Variants in VASN observed in about 807,000 individuals in gnomAD.
The protein encoded by VASN is protein slit-like 2.
Under a neutral mutation model 4.8 loss-of-function variants are expected in VASN, and 5 were observed. The ratio of observed to expected loss-of-function variants is 1.03; its 90% CI spans 0.54 to 2.17. VASN has a LOEUF of 2.17. Among genes scored for constraint, VASN ranks in the 30% most tolerant of loss-of-function variants. VASN has a pLI of 0.01. For synonymous variants in VASN, 499 were observed against 460.8 expected, an observed-to-expected ratio of 1.08 and a Z score of -1.06; for missense variants, 927 against 948.8, an observed-to-expected ratio of 0.98 and a Z score of 0.30.
At chr16:4,373,437 G>C (rs1251120769) in intron 1 of VASN, among the ~76,000 whole-genome samples, 7 of 152,180 alleles carry the variant, frequency 4.6e-5, no homozygotes, top group Non-Finnish European at 1.5e-5. Context: ...ATGGGGCTGG[G>C]GGCTGGGGTC....
intron 1 of VASN, among the ~76,000 whole-genome samples, chr16:4,374,625 C>T (rs1051155111): frequency 3.9e-5 from 6 of 152,004 alleles, no homozygotes; most frequent in South Asian, 2.1e-4. Context: ...GAGAGCAGTG[C>T]GGGGGCAGGG....
In VASN at chr16:4,382,820, G is replaced by A. The variant is rs1329973258; in HGVS notation, c.1943G>A (p.Gly648Glu). 4 of 1,597,596 alleles carry A rather than the reference G, an allele frequency of 2.5e-6. No individual in the cohort carries two copies. The South Asian group carries it at 3.4e-5, about 14-fold the overall frequency. ...TEGGGEALPSGSECEVPLMGF... is the reference protein window; with the variant it reads ...TEGGGEALPSESECEVPLMGF... ...GGCGGTGGAGAGGCCCTGCCCAGCG[G>A]GTCTGAGTGTGAGGTGCCACTCATG... Residue 648 changes from glycine (G) to glutamate (E), a missense_variant, in exon 2 of 2, where the codon GGG becomes GAG. By Grantham distance (98) the Gly-to-Glu change is moderately conservative. Coordinates refer to ENST00000304735, the MANE Select transcript of VASN (RefSeq NM_138440.3).
At chr16:4,377,379 C>T (rs1473448409) in intron 1 of VASN, among the ~76,000 whole-genome samples, 1 of 152,134 alleles carries the variant, frequency 6.6e-6, no homozygotes, top group Non-Finnish European at 1.5e-5. Flanking sequence ...GCGGCAACCA[C>T]CGTGTGACCT....
chr16:4,383,166 T>G lies in VASN; in HGVS notation c.*267T>G. The stretch of plus-strand genomic sequence containing the variant: ...CCTGCCCTCCGCAACGTGCAGTCCC[T>G]GGGCACGGCGGGCCCTGCCATGTGC... On this transcript the variant is annotated 3_prime_UTR_variant, in exon 2 of 2. Transcript: ENST00000304735. 2.3e-6 allele frequency: 1 copy of G among 429,278 alleles called. No individual in the cohort carries two copies. The highest frequency in any genetic ancestry group is 2.1e-5 in the African/African-American group (1 of 48,428). 26.6% of individuals were successfully genotyped at this position (429,278 alleles called of 1,614,324 possible). A position where few individuals can be genotyped will look rare whatever the true frequency, so the allele number is the denominator to read the frequency against.
intron 1 of VASN, among the ~76,000 whole-genome samples, chr16:4,376,519 C>T (rs1202086456): frequency 6.6e-6 from 1 of 152,166 alleles, no homozygotes; most frequent in Non-Finnish European, 1.5e-5. Flanking sequence ...AAGCCTGTCC[C>T]CTACTCAGCA....
rs779180537 is a variant in VASN at position 4,381,414 on chromosome 16, C to T, written c.537C>T (p.Asn179=). 1.9e-6 allele frequency: 3 copies of T among 1,585,098 alleles called. No individual in the cohort carries two copies. ...TGCTGCTGCTGGACCTCAGCCACAA[C>T]AGCCTCCTGGCCCTGGAGCCCGGCA... The part of the protein sequence containing the change: ...PRLLLLDLSH[N]SLLALEPGIL... The change falls in exon 2 of 2, where the codon AAC becomes AAT. Residue 179 remains asparagine (N), a synonymous_variant. Coordinates refer to ENST00000304735, the MANE Select transcript of VASN (RefSeq NM_138440.3).
chr16:4,382,872 A>C lies in VASN; in HGVS notation c.1995A>C (p.Ser665=). 2 of 1,555,132 alleles carry C rather than the reference A, an allele frequency of 1.3e-6. No individual in the cohort carries two copies. The highest frequency in any genetic ancestry group is 1.9e-5 in the Admixed American group (1 of 51,454). The change falls in exon 2 of 2, where the codon TCA becomes TCC. Residue 665 remains serine (S), a synonymous_variant. Coordinates refer to ENST00000304735, the MANE Select transcript of VASN (RefSeq NM_138440.3). ...GCTTCCCAGGGCCTGGCCTCCAGTC[A>C]CCCCTCCACGCAAAGCCCTACATCT... ...LMGFPGPGLQ[S]PLHAKPYI is the part of the protein sequence containing the mutation.
chr16:4,382,408 C>T lies in VASN; in HGVS notation c.1531C>T (p.Leu511=), dbSNP rs1440096476. Residue 511 remains leucine, a synonymous_variant, in exon 2 of 2, where the codon CTG becomes TTG. Coordinates refer to ENST00000304735, the MANE Select transcript of VASN (RefSeq NM_138440.3). ...GGGCCCTGATAAGCGGCTGGTGACG[C>T]TGCGACTGCCTGCCTCGCTCGCTGA... ...LSGPDKRLVT[L]RLPASLAEYT... 6.2e-7 allele frequency: 1 copy of T among 1,611,728 alleles called. No homozygotes were observed. Among genetic ancestry groups the T allele is most frequent in the Non-Finnish European group, 8.5e-7 (1 of 1,179,630 alleles).
At chr16:4,376,749 T>C (rs1385765175) in intron 1 of VASN, among the ~76,000 whole-genome samples, 2 of 152,132 alleles carry the variant, frequency 1.3e-5, no homozygotes, top group Non-Finnish European at 2.9e-5. Context: ...TGAAGTCCTG[T>C]GCTGAAGGGG....
Position 4,383,166 on chromosome 16 carries a change from T to A in VASN, c.*267T>A. The A allele has an allele frequency of 2.3e-6, 1 of 429,278 alleles. No individual in the cohort carries two copies. Among genetic ancestry groups the A allele is most frequent in the Non-Finnish European group, 4.2e-6 (1 of 236,408 alleles). 26.6% of individuals were successfully genotyped at this position (429,278 alleles called of 1,614,324 possible). ...CCTGCCCTCCGCAACGTGCAGTCCC[T>A]GGGCACGGCGGGCCCTGCCATGTGC... On this transcript the variant is annotated 3_prime_UTR_variant, in exon 2 of 2. Transcript: ENST00000304735.
intron 1 of VASN, among the ~76,000 whole-genome samples, chr16:4,380,230 C>T (rs2054904890): frequency 6.6e-6 from 1 of 152,186 alleles, no homozygotes; most frequent in Admixed American, 6.5e-5. Flanking sequence ...GGACACCTGC[C>T]AATGCCTGTG....
In VASN at chr16:4,380,956, G is replaced by C; in HGVS notation, c.79G>C (p.Gly27Arg). ...GCCTGGGGTGCAGGGCTGCCCATCC[G>C]GCTGCCAGTGCAGCCAGCCACAGAC... ...LGPGVQGCPS[G>R]CQCSQPQTVF... The change falls in exon 2 of 2, where the codon GGC (glycine) becomes CGC (arginine). Residue 27 changes from glycine to arginine, a missense_variant. Physicochemically the swap from Gly to Arg is moderately radical, Grantham distance 125. Transcript: ENST00000304735. The C allele has an allele frequency of 6.2e-7, 1 of 1,601,590 alleles. No homozygotes were observed. The highest frequency in any genetic ancestry group is 8.5e-7 in the Non-Finnish European group (1 of 1,176,926).
intron 1 of VASN, among the ~76,000 whole-genome samples, chr16:4,376,913 A>G (rs1427368684): frequency 1.3e-5 from 2 of 152,124 alleles, no homozygotes; most frequent in Non-Finnish European, 2.9e-5. Flanking sequence ...AGTAGTACCC[A>G]CGCCCAGGGG....
Position 4,381,951 on chromosome 16 carries a change from G to T in VASN, c.1074G>T (p.Val358=). The T allele has an allele frequency of 6.2e-7, 1 of 1,608,334 alleles. No homozygotes were observed. Residue 358 remains valine, a synonymous_variant, in exon 2 of 2, where the codon GTG becomes GTT. Transcript: ENST00000304735. ...CAGCCACCACCACCACAGCCACAGT[G>T]CCCACCACGAGGCCCGTGGTGCGGG... The part of the protein sequence containing the change: ...GCPATTTTAT[V]PTTRPVVREP...
rs745353996 is a variant in VASN, at chr16:4,382,640, C to T, written c.1763C>T (p.Ala588Val). ...CCCGCCCTGGCCGCGGTGCTCCTGG[C>T]CGCGCTGGCTGCGGTGGGGGCAGCC... Reference protein sequence around the residue: ...IAPALAAVLLAALAAVGAAYC... With the variant: ...IAPALAAVLLVALAAVGAAYC... Residue 588 changes from alanine to valine, a missense_variant, in exon 2 of 2, where the codon GCC (alanine) becomes GTC (valine). Coordinates refer to ENST00000304735, the MANE Select transcript of VASN (RefSeq NM_138440.3). 7.7e-6 allele frequency: 12 copies of T among 1,559,916 alleles called. No individual in the cohort carries two copies. The African/African-American group carries it at 1.6e-4, about 21-fold the overall frequency.
Position 4,374,603 on chromosome 16 carries a change from C to T in VASN, c.-10+2610C>T, listed in dbSNP as rs755780397. The stretch of plus-strand genomic sequence containing the variant: ...CCCTGCTGGCCCTGGGCCCCGAGCC[C>T]GGCTGGGCATTGAGAGCAGTGCGGG... On this transcript the variant is annotated intron_variant, in intron 1 of 1. Transcript: ENST00000304735. 8.5e-5 allele frequency among the ~76,000 whole-genome samples: 13 copies of T among 152,106 alleles called. 1 individual carries two copies. The highest frequency in any genetic ancestry group is 5.9e-4 in the Admixed American group (9 of 15,280).
chr16:4,375,367 G>C (rs987218011), intron 1 of VASN, among the ~76,000 whole-genome samples: 1 of 152,236 alleles, frequency 6.6e-6, no homozygotes, highest in African/African-American at 2.4e-5. Context: ...ACAGGAAGAC[G>C]AGCTGACATC....
Position 4,382,903 on chromosome 16 carries a change from A to G in VASN, c.*4A>G. 6.7e-7 allele frequency: 1 copy of G among 1,500,238 alleles called. No individual in the cohort carries two copies. The highest frequency in any genetic ancestry group is 8.9e-7 in the Non-Finnish European group (1 of 1,125,478). The allele number at this position is 1,500,238 out of a possible 1,614,324, so 92.9% of individuals were successfully genotyped here. On this transcript the variant is annotated 3_prime_UTR_variant, in exon 2 of 2. Coordinates refer to ENST00000304735, the MANE Select transcript of VASN (RefSeq NM_138440.3). ...CCACGCAAAGCCCTACATCTAAGCC[A>G]GAGAGAGACAGGGCAGCTGGGGCCG...
Position 4,381,150 on chromosome 16 carries a change from G to A in VASN, c.273G>A (p.Leu91=), listed in dbSNP as rs766100822. ...TGTCACAGAACCAGATCGCCAGCCT[G>A]CCCAGCGGGGTCTTCCAGCCACTCG... is the stretch of plus-strand genomic sequence containing the variant. ...LDLSQNQIAS[L]PSGVFQPLAN... The change falls in exon 2 of 2, where the codon CTG becomes CTA. Residue 91 remains leucine, a synonymous_variant. Coordinates refer to ENST00000304735, the MANE Select transcript of VASN (RefSeq NM_138440.3). The A allele has an allele frequency of 1.2e-6, 2 of 1,610,544 alleles. No homozygotes were observed. The highest frequency in any genetic ancestry group is 8.5e-7 in the Non-Finnish European group (1 of 1,179,108).
Sources: gnomAD v4.1 joint callset for allele counts (sites outside exome capture counted in the v4.1 genomes callset) on GRCh38, gnomAD v4.1.1 for gene constraint, MANE v1.5 for transcripts, NCBI Gene and HGNC (gene_info 2026-07-23, HGNC 2026-07-21) for gene names.